WNT7A: variants seen among roughly 807,000 people sequenced by gnomAD.
WNT7A encodes the protein Wnt family member 7A, also known as protein Wnt-7a.
WNT7A carries 16 observed loss-of-function variants against 28.2 expected under a neutral mutation model. The ratio of observed to expected loss-of-function variants is 0.57; its 90% confidence interval spans 0.38 to 0.86. The LOEUF is 0.86. Ranked by LOEUF, WNT7A falls within the 40% of genes least tolerant of loss-of-function variation. The probability of loss-of-function intolerance (pLI) is 0.00; values close to 1 mark genes in which losing one functional copy is unlikely to be tolerated. For synonymous variants in WNT7A, 190 were observed against 195.9 expected (o/e 0.97, Z 0.25); for missense variants, 411 against 489.7 (o/e 0.84, Z 1.52).
intron 3 of WNT7A, among the ~76,000 whole-genome samples, chr3:13,840,628 C>CCATCCATT (rs1241112989): frequency 1.3e-4 from 20 of 148,320 alleles, no homozygotes; most frequent in African/African-American, 4.8e-4. Context: ...ATCCATCCAT[C>CCATCCATT]CACCCATTCA....
In WNT7A at chr3:13,875,142, T is replaced by C. The variant is rs1042898188; in HGVS notation, c.103A>G (p.Ser35Gly). 5.0e-6 allele frequency: 8 copies of C among 1,614,008 alleles called. No homozygotes were observed. Among genetic ancestry groups the C allele is most frequent in the Non-Finnish European group, 6.8e-6 (8 of 1,180,034 alleles). The change falls in exon 2 of 4, where the codon AGC becomes GGC. Residue 35 changes from serine (S) to glycine (G), a missense_variant. Coordinates refer to ENST00000285018, the MANE Select transcript of WNT7A (RefSeq NM_004625.4). Reference protein sequence around the residue: ...GFSSVVALGASIICNKIPGLA... With the variant: ...GFSSVVALGAGIICNKIPGLA... ...CCTGGGATCTTGTTACAGATGATGC[T>C]TGCGCCCAGAGCTACCACTGAGGAG... is the stretch of plus-strand genomic sequence containing the variant.
intron 3 of WNT7A, among the ~76,000 whole-genome samples, chr3:13,823,281 T>G (rs1694141272): frequency 6.6e-6 from 1 of 152,162 alleles, no homozygotes; most frequent in African/African-American, 2.4e-5. Context: ...GGCTCTGTGC[T>G]TCAGTGTCAG....
In WNT7A at chr3:13,860,875, C is replaced by A. The variant is rs1694817252; in HGVS notation, c.299-6072G>T. Reference sequence around the variant, plus strand: ...TATTGCTGTGGAAATGGGATGAGATCATATGTCCAATGACATATAGTACAT... The same window carrying A: ...TATTGCTGTGGAAATGGGATGAGATAATATGTCCAATGACATATAGTACAT... On this transcript the variant is annotated intron_variant, in intron 2 of 3. Transcript: ENST00000285018. Among the ~76,000 whole-genome samples, 3 of 152,316 alleles carry A rather than the reference C, an allele frequency of 2.0e-5. No homozygotes were observed. In the South Asian group the frequency reaches 6.2e-4, roughly 32 times the overall value.
intron 3 of WNT7A, among the ~76,000 whole-genome samples, chr3:13,822,161 A>G (rs150559835): frequency 7.0e-4 from 107 of 152,344 alleles, no homozygotes; most frequent in Non-Finnish European, 1.4e-3. Flanking sequence ...CCACTCTGGA[A>G]AACAGTCTGG....
intron 3 of WNT7A, among the ~76,000 whole-genome samples, chr3:13,850,146 C>T (rs1001900345): frequency 6.6e-6 from 1 of 152,250 alleles, no homozygotes; most frequent in Non-Finnish European, 1.5e-5. Context: ...TGCCCAGGGG[C>T]GGGGCAGGAA....
chr3:13,852,206 A>G (rs899670896), intron 3 of WNT7A, among the ~76,000 whole-genome samples: 6 of 150,774 alleles, frequency 4.0e-5, no homozygotes, highest in East Asian at 3.9e-4. Context: ...GCACCCCCCC[A>G]CCCCAGCCTC....
rs746907641 is a variant in WNT7A at position 13,879,753 on chromosome 3, G to A, written c.64C>T (p.Arg22Trp). The change falls in exon 1 of 4, where the codon CGG (arginine) becomes TGG (tryptophan). Residue 22 changes from arginine to tryptophan, a missense_variant. Coordinates refer to ENST00000285018, the MANE Select transcript of WNT7A (RefSeq NM_004625.4). ...GGCGCAGGCAGCCCTTACCCGATCC[G>A]GAGGTAGACCATGCCCAGGCTGAGA... Reference protein sequence around the residue: ...LFLSLGMVYLRIGGFSSVVAL... With the variant: ...LFLSLGMVYLWIGGFSSVVAL... The A allele has an allele frequency of 1.9e-6, 3 of 1,612,728 alleles. No homozygotes were observed. Among genetic ancestry groups the A allele is most frequent in the Admixed American group, 3.3e-5 (2 of 59,962 alleles).
At chr3:13,833,199 C>T (rs1694309849) in intron 3 of WNT7A, among the ~76,000 whole-genome samples, 1 of 152,172 alleles carries the variant, frequency 6.6e-6, no homozygotes, top group African/African-American at 2.4e-5. Flanking sequence ...CTCATCAGCA[C>T]ACTCAAAGCA....
chr3:13,860,813 A>G (rs953545206), intron 2 of WNT7A, among the ~76,000 whole-genome samples: 9 of 152,134 alleles, frequency 5.9e-5, no homozygotes, highest in Non-Finnish European at 1.2e-4. Flanking sequence ...TAAATGCCTC[A>G]TTTATCTTAG....
chr3:13,856,963 A>AAGG (rs1694753084), intron 2 of WNT7A, among the ~76,000 whole-genome samples: 2 of 115,372 alleles, frequency 1.7e-5, no homozygotes, highest in East Asian at 3.9e-4. Flanking sequence ...GAAGAAGAAG[A>AAGG]AGAAGGAGAA....
intron 2 of WNT7A, among the ~76,000 whole-genome samples, chr3:13,857,932 G>C (rs995270812): frequency 6.6e-6 from 1 of 152,186 alleles, no homozygotes; most frequent in African/African-American, 2.4e-5. Flanking sequence ...CACAGAGGTT[G>C]GCATGAGGAA....
At chr3:13,836,200 T>A (rs73017599) in intron 3 of WNT7A, among the ~76,000 whole-genome samples, 25,468 of 135,040 alleles carry the variant, frequency 0.19, 2,466 homozygotes, top group South Asian at 0.38. Context: ...AGCTGGTTTT[T>A]AAAAAAAAAA....
intron 3 of WNT7A, among the ~76,000 whole-genome samples, chr3:13,833,039 C>T (rs1389335877): frequency 6.6e-6 from 1 of 151,978 alleles, no homozygotes; most frequent in Non-Finnish European, 1.5e-5. Flanking sequence ...GGACACACAG[C>T]CCCTCACCCC....
At chr3:13,848,592 G>A (rs768940443) in intron 3 of WNT7A, among the ~76,000 whole-genome samples, 9 of 152,216 alleles carry the variant, frequency 5.9e-5, no homozygotes, top group Non-Finnish European at 1.3e-4. Context: ...CCAAATGCTG[G>A]TGAGGATGTG....
At chr3:13,870,297 C>A (rs568763148) in intron 2 of WNT7A, among the ~76,000 whole-genome samples, 43 of 152,066 alleles carry the variant, frequency 2.8e-4, no homozygotes, top group Non-Finnish European at 5.6e-4. Context: ...AAAAAGGAGA[C>A]CAGGACACAA....
intron 1 of WNT7A, among the ~76,000 whole-genome samples, chr3:13,878,901 C>T (rs1695158314): frequency 6.6e-6 from 1 of 152,166 alleles, no homozygotes; most frequent in South Asian, 2.1e-4. Context: ...CTCCAGGACG[C>T]GTCCCGAGCT....
At chr3:13,841,324 ACT>A (rs1473167430) in intron 3 of WNT7A, among the ~76,000 whole-genome samples, 2 of 152,236 alleles carry the variant, frequency 1.3e-5, no homozygotes, top group Non-Finnish European at 2.9e-5. Context: ...CAAAGAAGAC[ACT>A]CTATAAATTC....
At chr3:13,848,269 A>G (rs1294983243) in intron 3 of WNT7A, among the ~76,000 whole-genome samples, 1 of 152,212 alleles carries the variant, frequency 6.6e-6, no homozygotes, top group Non-Finnish European at 1.5e-5. Flanking sequence ...GAGAGACCCT[A>G]TGAAGATGAT....
chr3:13,867,420 T>C (rs1694928774), intron 2 of WNT7A, among the ~76,000 whole-genome samples: 1 of 152,156 alleles, frequency 6.6e-6, no homozygotes, highest in Non-Finnish European at 1.5e-5. Flanking sequence ...GACTCACAAC[T>C]GATTTCAGCT....
Sources: allele counts gnomAD v4.1 joint callset (sites outside exome capture counted in the v4.1 genomes callset), GRCh38; gene constraint gnomAD v4.1.1; transcripts MANE v1.5; gene names NCBI Gene and HGNC (gene_info 2026-07-23, HGNC 2026-07-21).